Variants in PRCP observed in about 807,000 individuals in gnomAD.
The protein encoded by PRCP is lysosomal Pro-X carboxypeptidase.
In PRCP, 46 loss-of-function variants were observed where a neutral mutation model predicts 54.2. The observed-to-expected ratio is 0.85, with a 90% CI of 0.67 to 1.09. The LOEUF (loss-of-function observed/expected upper bound fraction) is 1.09, where lower values mean the gene tolerates loss of function less well. Among genes scored for constraint, PRCP ranks in the 50% least tolerant of loss-of-function variants. The pLI is 0.00. For synonymous variants in PRCP, 240 were observed against 212.2 expected (o/e 1.13, Z -1.14); for missense variants, 613 against 596.8 (o/e 1.03, Z -0.28).
chr11:82,844,719 C>A (rs571691214), intron 6 of PRCP, among the ~76,000 whole-genome samples: 55 of 119,098 alleles, frequency 4.6e-4, no homozygotes, highest in South Asian at 1.4e-3. Flanking sequence ...GGAGACAGAG[C>A]GAGGCTCCGT....
intron 1 of PRCP, among the ~76,000 whole-genome samples, chr11:82,861,129 C>T (rs1859198605): frequency 6.6e-6 from 1 of 150,976 alleles, no homozygotes; most frequent in African/African-American, 2.5e-5. Context: ...TCATTTGCCA[C>T]CATTTGTTTA....
intron 2 of PRCP, 88 bp from the exon 3 acceptor site, chr11:82,853,366 T>A: frequency 1.9e-6 from 2 of 1,030,444 alleles, no homozygotes; most frequent in South Asian, 1.8e-5. Context: ...GAATAGATGT[T>A]AAGCCAGAAC....
intron 8 of PRCP, among the ~76,000 whole-genome samples, chr11:82,833,418 G>A (rs1437222116): frequency 7.9e-5 from 12 of 152,176 alleles, no homozygotes; most frequent in Non-Finnish European, 1.6e-4. Flanking sequence ...AGTTAGAATG[G>A]CGATTATTAA....
At chr11:82,838,702 C>T (rs111897175) in intron 7 of PRCP, 128 bp from the exon 8 acceptor site, 8 of 810,838 alleles carry the variant, frequency 9.9e-6, no homozygotes, top group African/African-American at 3.5e-5. Flanking sequence ...GCAGCTTCAA[C>T]GCCCTGTTCT....
At chr11:82,887,609 G>C (rs2094769783) in intron 1 of PRCP, among the ~76,000 whole-genome samples, 1 of 152,156 alleles carries the variant, frequency 6.6e-6, no homozygotes, top group Non-Finnish European at 1.5e-5. Context: ...AAGAGTCTCA[G>C]AAGCAAAGTC....
chr11:82,896,222 G>A (rs1374787215), intron 1 of PRCP, among the ~76,000 whole-genome samples: 1 of 152,182 alleles, frequency 6.6e-6, no homozygotes, highest in East Asian at 1.9e-4. Context: ...TGGATGTGAT[G>A]ATTAATTTTA....
rs1197626779 is a variant in PRCP, at chr11:82,860,120, G to C, written c.169-3C>G. 4.7e-6 allele frequency: 7 copies of C among 1,478,280 alleles called. No individual in the cohort carries two copies. Among genetic ancestry groups the C allele is most frequent in the Admixed American group, 2.2e-5 (1 of 45,474 alleles). The allele number at this position is 1,478,280 out of a possible 1,614,324, so 91.6% of individuals were successfully genotyped here. A position where few individuals can be genotyped will look rare whatever the true frequency, so the allele number is the denominator to read the frequency against. On this transcript the variant is annotated splice_polypyrimidine_tract_variant and splice_region_variant and intron_variant, in intron 1 of 8. Transcript: ENST00000313010. ...GTATTAAATCCAAAATGATCAACCT[G>C]TGATAAAAACAAAACAAAACATATT...
chr11:82,842,078 G>A (rs1390942431), intron 6 of PRCP, among the ~76,000 whole-genome samples: 1 of 152,180 alleles, frequency 6.6e-6, no homozygotes, highest in Non-Finnish European at 1.5e-5. Context: ...GTGATGTGCA[G>A]CAACAAGTGG....
intron 1 of PRCP, among the ~76,000 whole-genome samples, chr11:82,897,144 C>A (rs1023186890): frequency 2.0e-5 from 3 of 152,162 alleles, no homozygotes; most frequent in Admixed American, 1.3e-4. Flanking sequence ...CCTCGATGTG[C>A]CCAAGTGATG....
At chr11:82,900,582 C>A (rs1860259670), upstream of PRCP, 2 of 804,304 alleles carry the variant, frequency 2.5e-6, no homozygotes, top group Non-Finnish European at 4.2e-6. Context: ...ACAGCCACTC[C>A]GCCCCCATCC....
At chr11:82,864,737 AT>A (rs887695435) in intron 1 of PRCP, among the ~76,000 whole-genome samples, 6 of 151,864 alleles carry the variant, frequency 4.0e-5, no homozygotes, top group African/African-American at 9.7e-5. Context: ...CTTTTTTATA[AT>A]TTTTTTTATG....
chr11:82,839,539 T>A, intron 6 of PRCP, 114 bp from the exon 7 acceptor site: 1 of 1,141,622 alleles, frequency 8.8e-7, no homozygotes, highest in Non-Finnish European at 1.2e-6. Context: ...ATTCTTAAGC[T>A]ACTAACTGCA....
intron 1 of PRCP, among the ~76,000 whole-genome samples, chr11:82,867,221 GA>G (rs1004198934): frequency 1.1e-4 from 17 of 151,400 alleles, no homozygotes; most frequent in East Asian, 5.8e-4. Flanking sequence ...TATCTATGTG[GA>G]AAAAAAAATT....
chr11:82,831,257 T>C (rs1340868786), intron 8 of PRCP: 1 of 151,818 alleles, frequency 6.6e-6, no homozygotes, highest in Non-Finnish European at 1.5e-5. Context: ...TGCCTACAAG[T>C]TGGGAAAGAC....
intron 1 of PRCP, among the ~76,000 whole-genome samples, chr11:82,885,647 C>A (rs916681982): frequency 1.3e-5 from 2 of 152,154 alleles, no homozygotes; most frequent in East Asian, 3.8e-4. Context: ...AGATTTGACT[C>A]CCTAGTCTAA....
chr11:82,887,943 CT>C (rs1565235811), intron 1 of PRCP, among the ~76,000 whole-genome samples: 1 of 152,148 alleles, frequency 6.6e-6, no homozygotes, highest in Non-Finnish European at 1.5e-5. Context: ...GGATCTTTCC[CT>C]TTTTGTTCCA....
chr11:82,873,292 C>G (rs935172793), intron 1 of PRCP, among the ~76,000 whole-genome samples: 1 of 152,238 alleles, frequency 6.6e-6, no homozygotes, highest in Admixed American at 6.5e-5. Flanking sequence ...CAGCAGTATT[C>G]GTTTAACAAC....
intron 6 of PRCP, among the ~76,000 whole-genome samples, chr11:82,848,295 C>A (rs1424313297): frequency 6.6e-6 from 1 of 152,164 alleles, no homozygotes; most frequent in Non-Finnish European, 1.5e-5. Flanking sequence ...TGAACATACA[C>A]AATAAATAAT....
chr11:82,872,292 T>A (rs1024921557), intron 1 of PRCP, among the ~76,000 whole-genome samples: 1 of 152,138 alleles, frequency 6.6e-6, no homozygotes, highest in African/African-American at 2.4e-5. Flanking sequence ...AAATTGAAAG[T>A]CATGTAGGTA....
Sources: allele counts gnomAD v4.1 joint callset (sites outside exome capture counted in the v4.1 genomes callset), GRCh38; gene constraint gnomAD v4.1.1; transcripts MANE v1.5; gene names NCBI Gene and HGNC (gene_info 2026-07-23, HGNC 2026-07-21).